Variants in CDK11B observed in about 807,000 individuals in gnomAD.
CDK11B encodes the protein cyclin-dependent kinase 11B.
In CDK11B, 37 loss-of-function variants were observed where a neutral mutation model predicts 84.0. The observed-to-expected ratio is 0.44, with a 90% CI of 0.34 to 0.58. The LOEUF (loss-of-function observed/expected upper bound fraction) is 0.58, where lower values mean the gene tolerates loss of function less well. CDK11B is among the 20% of genes least tolerant of loss of function. The pLI, the probability that CDK11B is intolerant of heterozygous loss-of-function variation, is 0.02. For synonymous variants in CDK11B, 269 were observed against 309.8 expected, an observed-to-expected ratio of 0.87 and a Z score of 1.38; for missense variants, 427 against 834.0, an observed-to-expected ratio of 0.51 and a Z score of 6.01.
chr1:1,652,400 A>G (rs1642133635), intron 4 of CDK11B, 39 bp downstream of exon 4: 2 of 1,469,824 alleles, frequency 1.4e-6, no homozygotes, highest in Non-Finnish European at 9.0e-7. Context: ...AAGAAACCAC[A>G]CTTGAACATG....
chr1:1,653,475 C>T (rs1279134997), intron 3 of CDK11B, among the ~76,000 whole-genome samples: 2 of 151,946 alleles, frequency 1.3e-5, no homozygotes, highest in Non-Finnish European at 2.9e-5. Context: ...TGTACACTAC[C>T]ATGCCAGGCT....
intron 4 of CDK11B, among the ~76,000 whole-genome samples, chr1:1,650,664 CTTTTTTT>C (rs1185570412): frequency 0.036 from 4,174 of 115,010 alleles, 197 homozygotes; most frequent in African/African-American, 0.12. Flanking sequence ...CGCGCCCGGC[CTTTTTTT>C]TTTTTTTTTT....
At chr1:1,652,629 T>G (rs1267056042) in intron 3 of CDK11B, 63 bp from the exon 4 acceptor site, 7 of 1,272,126 alleles carry the variant, frequency 5.5e-6, no homozygotes, top group Non-Finnish European at 6.2e-6. Flanking sequence ...ATCAGGCTAT[T>G]ATAAGGTTTC....
chr1:1,658,527 A>C (rs1643098778), intron 1 of CDK11B, among the ~76,000 whole-genome samples: 1 of 145,214 alleles, frequency 6.9e-6, no homozygotes, highest in Admixed American at 6.9e-5. Flanking sequence ...CACTCATCAA[A>C]CACTGCTTTT....
At chr1:1,644,838 A>T (rs1216020895) in intron 6 of CDK11B, among the ~76,000 whole-genome samples, 73 of 150,354 alleles carry the variant, frequency 4.9e-4, no homozygotes, top group Non-Finnish European at 8.8e-4. Context: ...CTAAAAATAT[A>T]AAAAAATAGC....
At chr1:1,637,701 G>C in intron 13 of CDK11B, 61 bp downstream of exon 13, 3 of 1,613,366 alleles carry the variant, frequency 1.9e-6, no homozygotes, top group Non-Finnish European at 2.5e-6. Flanking sequence ...CCCCAGGACA[G>C]CACGGGGCCC....
Position 1,636,957 on chromosome 1 carries a change from G to A in CDK11B, c.1740C>T (p.Ala580=), listed in dbSNP as rs770832823. 2 of 1,609,836 alleles carry A rather than the reference G, an allele frequency of 1.2e-6. No homozygotes were observed. The highest frequency in any genetic ancestry group is 1.1e-5 in the South Asian group (1 of 90,736). ...LAREYGSPLK[A]YTPVVVTLWY... The stretch of plus-strand genomic sequence containing the variant: ...ACAGGGTCACCACGACCGGGGTGTA[G>A]GCCTTCAGAGGGGATCCGTACTCCC... The change falls in exon 16 of 20, where the codon GCC becomes GCT. Residue 580 remains alanine, a synonymous_variant. Transcript: ENST00000341832.
At chr1:1,649,417 T>C in intron 5 of CDK11B, 82 bp downstream of exon 5, 1 of 1,123,310 alleles carries the variant, frequency 8.9e-7, no homozygotes, top group Non-Finnish European at 1.3e-6. Context: ...TGACTTCTAT[T>C]GCCAAATTCT....
At chr1:1,641,365 C>T (rs1295375987) in intron 9 of CDK11B, among the ~76,000 whole-genome samples, 6 of 148,078 alleles carry the variant, frequency 4.1e-5, no homozygotes, top group South Asian at 4.3e-4. Context: ...AAAAATTATC[C>T]GGGCGTGCTG....
At chr1:1,650,471 T>C (rs1641851711) in intron 4 of CDK11B, among the ~76,000 whole-genome samples, 1 of 148,180 alleles carries the variant, frequency 6.7e-6, no homozygotes, top group African/African-American at 2.5e-5. Flanking sequence ...GTTCACACCA[T>C]TCTCCTGCCT....
In CDK11B at chr1:1,636,580, G is replaced by A. The variant is rs1639329942; in HGVS notation, c.1918-99C>T. ...ACAAGCCACCAGGAGGGCTCTCAGT[G>A]GCCCTGGTCCCCATCTCAACCCAGC... is the stretch of plus-strand genomic sequence containing the variant. On this transcript the variant is annotated intron_variant, in intron 17 of 19. Coordinates refer to ENST00000341832, the MANE Select transcript of CDK11B (RefSeq NM_033486.3). The A allele has an allele frequency of 4.4e-6, 7 of 1,575,924 alleles. No homozygotes were observed. The East Asian group carries it at 1.4e-4, about 31-fold the overall frequency.
At chr1:1,649,699 G>A in intron 4 of CDK11B, 62 bp from the exon 5 acceptor site, 1 of 1,549,800 alleles carries the variant, frequency 6.5e-7, no homozygotes, top group South Asian at 1.1e-5. Context: ...ATGAAGCCGG[G>A]CACGGAGGCT....
At chr1:1,653,587 T>C (rs534878965) in intron 3 of CDK11B, among the ~76,000 whole-genome samples, 13 of 151,898 alleles carry the variant, frequency 8.6e-5, no homozygotes, top group African/African-American at 2.9e-4. Flanking sequence ...TCTCAAAGTG[T>C]TGGGATTACA....
At chr1:1,651,836 T>A (rs1642053715) in intron 4 of CDK11B, among the ~76,000 whole-genome samples, 1 of 151,974 alleles carries the variant, frequency 6.6e-6, no homozygotes. Flanking sequence ...GACACACGCA[T>A]GCTTTTAGCT....
chr1:1,652,908 A>C (rs1372121673), intron 3 of CDK11B, among the ~76,000 whole-genome samples: 1 of 152,110 alleles, frequency 6.6e-6, no homozygotes, highest in Admixed American at 6.6e-5. Flanking sequence ...TATTTTTAGT[A>C]GAGACGGGGT....
At chr1:1,654,794 G>T (rs187150873) in intron 3 of CDK11B, among the ~76,000 whole-genome samples, 1 of 151,870 alleles carries the variant, frequency 6.6e-6, no homozygotes, top group Non-Finnish European at 1.5e-5. Context: ...GAGTAGCTGG[G>T]ACTAAAGGCG....
intron 4 of CDK11B, among the ~76,000 whole-genome samples, chr1:1,651,315 A>G (rs1641970588): frequency 6.6e-6 from 1 of 152,258 alleles, no homozygotes; most frequent in Non-Finnish European, 1.5e-5. Flanking sequence ...AAAATGGACT[A>G]GCCATTCTGA....
intron 10 of CDK11B, 108 bp downstream of exon 10, chr1:1,640,940 C>T: frequency 6.5e-7 from 1 of 1,541,382 alleles, no homozygotes; most frequent in Non-Finnish European, 8.8e-7. Context: ...CAGGCGGCCT[C>T]CCAGACCCTG....
chr1:1,650,390 G>A (rs1641829631), intron 4 of CDK11B, among the ~76,000 whole-genome samples: 1 of 133,550 alleles, frequency 7.5e-6, no homozygotes, highest in Non-Finnish European at 1.5e-5. Context: ...TTTGGAGATG[G>A]AGTCTTGCTC....
Sources: gnomAD v4.1 joint callset for allele counts (sites outside exome capture counted in the v4.1 genomes callset) on GRCh38, gnomAD v4.1.1 for gene constraint, MANE v1.5 for transcripts, NCBI Gene and HGNC (gene_info 2026-07-23, HGNC 2026-07-21) for gene names.